Variants in PFN4 observed in about 807,000 individuals in gnomAD.
PFN4 encodes profilin-4.
In PFN4, 10 loss-of-function variants were observed where a neutral mutation model predicts 16.3. The ratio of observed to expected loss-of-function variants is 0.61; its 90% CI spans 0.38 to 1.04. The LOEUF (loss-of-function observed/expected upper bound fraction) is 1.04. PFN4 is among the 50% of genes least tolerant of loss of function. PFN4 has a pLI of 0.01. For synonymous variants in PFN4, 54 were observed against 56.9 expected (o/e 0.95, Z 0.23); for missense variants, 136 against 153.6 (o/e 0.89, Z 0.61).
At chr2:24,120,540 CAG>C (rs1465368319) in intron 3 of PFN4, among the ~76,000 whole-genome samples, 2 of 151,730 alleles carry the variant, frequency 1.3e-5, no homozygotes, top group African/African-American at 2.4e-5. Context: ...TTATAAGCAA[CAG>C]AGAGCTGATT....
rs911651203 is a variant in PFN4, at chr2:24,115,338, G to A, written c.*245C>T. On this transcript the variant is annotated 3_prime_UTR_variant, in exon 5 of 5. Transcript: ENST00000313213. ...CAGAAAGGAGCCTCCCAATAGATATGCTCTGTGAAATGATCAGTGCTCTCT... is the reference window on the plus strand; with the variant it reads ...CAGAAAGGAGCCTCCCAATAGATATACTCTGTGAAATGATCAGTGCTCTCT... 1.2e-5 allele frequency: 6 copies of A among 496,984 alleles called. No individual in the cohort carries two copies. Among genetic ancestry groups the A allele is most frequent in the African/African-American group, 1.2e-4 (6 of 51,930 alleles). The allele number at this position is 496,984 out of a possible 1,614,324, so 30.8% of individuals were successfully genotyped here. A position where few individuals can be genotyped will look rare whatever the true frequency, so the allele number is the denominator to read the frequency against.
At chr2:24,119,239 A>C (rs1666021397) in intron 4 of PFN4, among the ~76,000 whole-genome samples, 1 of 152,050 alleles carries the variant, frequency 6.6e-6, no homozygotes, top group Admixed American at 6.6e-5. Flanking sequence ...ATATGACCTG[A>C]AACTTGCCAA....
At chr2:24,116,988 T>C (rs1665938707) in intron 4 of PFN4, among the ~76,000 whole-genome samples, 1 of 150,828 alleles carries the variant, frequency 6.6e-6, no homozygotes, top group East Asian at 1.9e-4. Context: ...GACTCTCTAA[T>C]ATATTTATTT....
chr2:24,120,781 C>G (rs1183231030), intron 3 of PFN4, among the ~76,000 whole-genome samples: 1 of 152,152 alleles, frequency 6.6e-6, no homozygotes, highest in Non-Finnish European at 1.5e-5. Context: ...TCTTGAACTC[C>G]TGACCTCAGC....
Position 24,115,322 on chromosome 2 carries a change from G to C in PFN4, c.*261C>G, listed in dbSNP as rs1162881862. The C allele has an allele frequency of 2.2e-6, 1 of 445,820 alleles. No individual in the cohort carries two copies. Among genetic ancestry groups the C allele is most frequent in the Non-Finnish European group, 4.1e-6 (1 of 244,038 alleles). 27.6% of individuals were successfully genotyped at this position (445,820 alleles called of 1,614,324 possible). ...GAGTACAAGAGCCTCACAGAAAGGA[G>C]CCTCCCAATAGATATGCTCTGTGAA... On this transcript the variant is annotated 3_prime_UTR_variant, in exon 5 of 5. Coordinates refer to ENST00000313213, the MANE Select transcript of PFN4 (RefSeq NM_199346.3).
rs755791840 is a variant in PFN4, at chr2:24,122,502, G to A, written c.34C>T (p.Leu12Phe). ...CTGTCCACATGCTTGGTTCCCAAGA[G>A]GGTGTCTAACAATAAGCTCTGCAAA... ...SHLQSLLLDT[L>F]LGTKHVDSAA... The change falls in exon 2 of 5, where the codon CTC (leucine) becomes TTC (phenylalanine). Residue 12 changes from leucine (L) to phenylalanine (F), a missense_variant. By Grantham distance (22) the Leu-to-Phe change is conservative (BLOSUM62 0). Coordinates refer to ENST00000313213, the MANE Select transcript of PFN4 (RefSeq NM_199346.3). 3 of 1,614,094 alleles carry A rather than the reference G, an allele frequency of 1.9e-6. No homozygotes were observed. Among genetic ancestry groups the A allele is most frequent in the Admixed American group, 1.7e-5 (1 of 60,010 alleles).
intron 4 of PFN4, among the ~76,000 whole-genome samples, chr2:24,118,439 T>G (rs954271323): frequency 6.6e-6 from 1 of 152,234 alleles, no homozygotes; most frequent in African/African-American, 2.4e-5. Flanking sequence ...AGTAATTCAT[T>G]GATTTATTCA....
intron 4 of PFN4, 119 bp from the exon 5 acceptor site, chr2:24,115,730 G>T: frequency 9.2e-7 from 1 of 1,090,072 alleles, no homozygotes; most frequent in Non-Finnish European, 1.4e-6. Flanking sequence ...GCTAGGCACT[G>T]TGCTAGGTAC....
chr2:24,121,323 G>A, intron 2 of PFN4, 23 bp from the exon 3 acceptor site: 1 of 1,603,500 alleles, frequency 6.2e-7, no homozygotes, highest in Non-Finnish European at 8.5e-7. Context: ...CATGGTTAGA[G>A]CAGGAGTCAG....
intron 1 of PFN4, chr2:24,122,779 G>T: frequency 2.8e-6 from 1 of 355,308 alleles, no homozygotes; most frequent in Non-Finnish European, 5.0e-6. Flanking sequence ...GCTGAGTTTG[G>T]AAAATCACAG....
At chr2:24,118,035 C>A (rs184943709) in intron 4 of PFN4, among the ~76,000 whole-genome samples, 1 of 152,298 alleles carries the variant, frequency 6.6e-6, no homozygotes, top group Admixed American at 6.5e-5. Flanking sequence ...GAATACTAAC[C>A]TTTAGTGCCA....
At position 24,121,027 on chromosome 2, in the gene PFN4, A is replaced by G. The variant is rs1197290121; in HGVS notation, c.255+136T>C. The G allele has an allele frequency of 3.4e-6, 4 of 1,164,374 alleles. No homozygotes were observed. In the African/African-American group the frequency reaches 4.6e-5, roughly 13 times the overall value. The allele number at this position is 1,164,374 out of a possible 1,614,324, so 72.1% of individuals were successfully genotyped here. A position where few individuals can be genotyped will look rare whatever the true frequency, so the allele number is the denominator to read the frequency against. ...CTTTCACATATGTCTTCCTGGCACT[A>G]GACTGCTATCTCAAGACAATGGCTC... is the stretch of plus-strand genomic sequence containing the variant. On this transcript the variant is annotated intron_variant, in intron 3 of 4. Transcript: ENST00000313213.
Position 24,119,582 on chromosome 2 carries a change from C to T in PFN4, c.356G>A (p.Ser119Asn). 6.2e-7 allele frequency: 1 copy of T among 1,612,772 alleles called. No homozygotes were observed. Among genetic ancestry groups the T allele is most frequent in the Non-Finnish European group, 8.5e-7 (1 of 1,179,150 alleles). Residue 119 changes from serine (S) to asparagine (N), a missense_variant, in exon 4 of 5, where the codon AGC (serine) becomes AAC (asparagine). Transcript: ENST00000313213. ...GAACTAGGAGGCCAACTTACCCAGG[C>T]TCTCTGTGGCTTCCACACAGATGCT... ...YPSICVEATE[S>N]LGDYLRKKGS
At chr2:24,118,777 A>G (rs1041111670) in intron 4 of PFN4, among the ~76,000 whole-genome samples, 1 of 152,174 alleles carries the variant, frequency 6.6e-6, no homozygotes, top group African/African-American at 2.4e-5. Context: ...CTGCTTCCCT[A>G]ATTTATCTAG....
At chr2:24,122,655 T>C in intron 1 of PFN4, 108 bp from the exon 2 acceptor site, 3 of 707,662 alleles carry the variant, frequency 4.2e-6, no homozygotes, top group Non-Finnish European at 7.4e-6. Context: ...TCAGCAAGTG[T>C]ACTTTGAAAA....
rs1357965338 is a variant in PFN4, at chr2:24,122,549, T to C, written c.-12-2A>G. The C allele has an allele frequency of 8.3e-6, 13 of 1,573,018 alleles. No individual in the cohort carries two copies. Among genetic ancestry groups the C allele is most frequent in the Non-Finnish European group, 1.1e-5 (13 of 1,145,248 alleles). ...CAAATGGCTCATGTTCCCTCAACTC[T>C]GAAAGGGAAAGTGCAGTTGAAGCCA... On this transcript the variant is annotated splice_acceptor_variant, in intron 1 of 4. Coordinates refer to ENST00000313213, the MANE Select transcript of PFN4 (RefSeq NM_199346.3). LOFTEE classifies it low-confidence loss of function (5UTR_SPLICE).
chr2:24,122,349 T>C, intron 2 of PFN4, 70 bp downstream of exon 2: 1 of 1,165,696 alleles, frequency 8.6e-7, no homozygotes, highest in Non-Finnish European at 1.3e-6. Context: ...AAGTCATGTC[T>C]GCTTCATTTT....
intron 3 of PFN4, among the ~76,000 whole-genome samples, chr2:24,120,142 G>A (rs1285306083): frequency 6.6e-5 from 10 of 152,004 alleles, no homozygotes; most frequent in East Asian, 5.8e-4. Flanking sequence ...GGTGGCAGGC[G>A]CCTGTAACCC....
Position 24,121,314 on chromosome 2 carries a change from A to G in PFN4, c.118-14T>C, listed in dbSNP as rs199756316. On this transcript the variant is annotated splice_polypyrimidine_tract_variant and intron_variant, in intron 2 of 4. Coordinates refer to ENST00000313213, the MANE Select transcript of PFN4 (RefSeq NM_199346.3). ...ACTGGGCGTTACCTGGAGAGGTTAC[A>G]TGGTTAGAGCAGGAGTCAGCCAACT... 3.3e-5 allele frequency: 53 copies of G among 1,613,930 alleles called. No individual in the cohort carries two copies. The highest frequency in any genetic ancestry group is 1.2e-4 in the South Asian group (11 of 91,038).
Sources: allele counts gnomAD v4.1 joint callset (sites outside exome capture counted in the v4.1 genomes callset), GRCh38; gene constraint gnomAD v4.1.1; transcripts MANE v1.5; gene names NCBI Gene and HGNC (gene_info 2026-07-23, HGNC 2026-07-21).